DOCK4: variants seen among roughly 807,000 people sequenced by gnomAD.
DOCK4 encodes dedicator of cytokinesis 4.
DOCK4 carries 97 observed loss-of-function variants against 268.1 expected under a neutral mutation model. The observed-to-expected ratio is 0.36, with a 90% CI of 0.31 to 0.43. DOCK4 has a LOEUF of 0.43. DOCK4 is among the 20% of genes least tolerant of loss of function. DOCK4 has a pLI of 1.00. For missense variants in DOCK4, 2,145 were observed against 2,455.7 expected (o/e 0.87, Z 2.67); for synonymous variants, 954 against 887.2 (o/e 1.08, Z -1.34).
chr7:111,745,510 G>T (rs892312528), intron 44 of DOCK4, among the ~76,000 whole-genome samples: 1 of 151,424 alleles, frequency 6.6e-6, no homozygotes, highest in Non-Finnish European at 1.5e-5. Flanking sequence ...GTGAAACCCC[G>T]TCTCTACTAA....
chr7:112,018,064 C>T lies in DOCK4; in HGVS notation c.38-13933G>A, dbSNP rs190012430. ...ATTAGCCGGGCATGGTGGCGGGCACCTGTAGTCCCAGCTACTCAGGAGGCT... is the reference window on the plus strand; with the variant it reads ...ATTAGCCGGGCATGGTGGCGGGCACTTGTAGTCCCAGCTACTCAGGAGGCT... On this transcript the variant is annotated intron_variant, in intron 1 of 52. Transcript: ENST00000428084. 3.5e-3 allele frequency among the ~76,000 whole-genome samples: 497 copies of T among 141,660 alleles called. 3 individuals are homozygous for T. The highest frequency in any genetic ancestry group is 0.012 in the African/African-American group (481 of 38,598). The allele number at this position is 141,660 out of a possible 152,430, so 92.9% of individuals were successfully genotyped here.
At chr7:111,745,182 C>T (rs141311621) in intron 44 of DOCK4, among the ~76,000 whole-genome samples, 63 of 152,248 alleles carry the variant, frequency 4.1e-4, no homozygotes, top group African/African-American at 1.3e-3. Flanking sequence ...AAATAAACCA[C>T]GCTTCTCTGG....
intron 12 of DOCK4, among the ~76,000 whole-genome samples, chr7:111,928,356 C>A (rs1230128014): frequency 6.6e-6 from 1 of 152,108 alleles, no homozygotes; most frequent in Admixed American, 6.6e-5. Flanking sequence ...ATTAGCCATA[C>A]ATAGCTCATT....
intron 23 of DOCK4, among the ~76,000 whole-genome samples, chr7:111,861,662 T>C (rs1279291888): frequency 1.3e-5 from 2 of 149,856 alleles, no homozygotes; most frequent in Non-Finnish European, 3.0e-5. Flanking sequence ...GGGAGAATCA[T>C]CTGAACCCAG....
chr7:112,099,118 C>T (rs1247769433), intron 1 of DOCK4, among the ~76,000 whole-genome samples: 2 of 136,410 alleles, frequency 1.5e-5, no homozygotes, highest in African/African-American at 5.2e-5. Context: ...AGTGAAACCT[C>T]GTCTCTACAA....
At chr7:111,757,227 TTTATTA>T (rs1402008277) in intron 41 of DOCK4, among the ~76,000 whole-genome samples, 1 of 151,928 alleles carries the variant, frequency 6.6e-6, no homozygotes, top group Non-Finnish European at 1.5e-5. Context: ...AGGAGCCAGA[TTTATTA>T]TTATTATTTT....
intron 1 of DOCK4, among the ~76,000 whole-genome samples, chr7:112,055,972 T>C (rs986888704): frequency 2.0e-5 from 3 of 151,704 alleles, no homozygotes; most frequent in South Asian, 2.1e-4. Flanking sequence ...AGAATCTGTG[T>C]CCATAAGATA....
intron 1 of DOCK4, among the ~76,000 whole-genome samples, chr7:112,059,134 CTTTTTTTTTT>C (rs572050793): frequency 3.0e-5 from 3 of 98,978 alleles, no homozygotes; most frequent in Admixed American, 1.3e-4. Context: ...GCAGCATTTC[CTTTTTTTTTT>C]TTTTTTTTTT....
intron 1 of DOCK4, among the ~76,000 whole-genome samples, chr7:112,024,364 G>A (rs1366710619): frequency 1.3e-5 from 2 of 151,984 alleles, no homozygotes; most frequent in Non-Finnish European, 2.9e-5. Context: ...ATACCTCTAT[G>A]AAACCGAACT....
chr7:112,058,767 T>A lies in DOCK4; in HGVS notation c.38-54636A>T, dbSNP rs1320489218. 2.6e-5 allele frequency among the ~76,000 whole-genome samples: 4 copies of A among 151,962 alleles called. No homozygotes were observed. The East Asian group carries it at 7.7e-4, about 29-fold the overall frequency. On this transcript the variant is annotated intron_variant, in intron 1 of 52. Transcript: ENST00000428084. The stretch of plus-strand genomic sequence containing the variant: ...AGAAAAAGGAAAAAGAATCTGGGAG[T>A]GAGTTCTATGGGTACACAATGGCAA...
At chr7:112,085,481 G>A (rs1487170611) in intron 1 of DOCK4, among the ~76,000 whole-genome samples, 1 of 151,868 alleles carries the variant, frequency 6.6e-6, no homozygotes, top group Non-Finnish European at 1.5e-5. Context: ...CGGTTGCCAG[G>A]GTACAAATTT....
chr7:111,833,048 C>T lies in DOCK4; in HGVS notation c.2835+1540G>A, dbSNP rs183328946. Among the ~76,000 whole-genome samples, 549 of 152,260 alleles carry T rather than the reference C, an allele frequency of 3.6e-3. 5 individuals are homozygous for T. Among genetic ancestry groups the T allele is most frequent in the African/African-American group, 0.012 (495 of 41,550 alleles). On this transcript the variant is annotated intron_variant, in intron 26 of 52. Coordinates refer to ENST00000428084, the MANE Select transcript of DOCK4 (RefSeq NM_001363540.2). Reference sequence around the variant, plus strand: ...TTCCCAGGCTCCATAAAAATATGTACGCTTTTCCTATGGGAAATTTTCAAA... The same window carrying T: ...TTCCCAGGCTCCATAAAAATATGTATGCTTTTCCTATGGGAAATTTTCAAA...
intron 12 of DOCK4, among the ~76,000 whole-genome samples, chr7:111,918,372 C>A (rs566329649): frequency 6.6e-6 from 1 of 152,312 alleles, no homozygotes; most frequent in Non-Finnish European, 1.5e-5. Context: ...CCCATTCACT[C>A]TGAGTTAGGT....
chr7:112,140,444 G>A (rs1312786963), intron 1 of DOCK4, among the ~76,000 whole-genome samples: 2 of 151,946 alleles, frequency 1.3e-5, no homozygotes, highest in Non-Finnish European at 2.9e-5. Context: ...GTTGGGTTTT[G>A]GGGGTCATTC....
chr7:112,119,600 C>A (rs945528420), intron 1 of DOCK4, among the ~76,000 whole-genome samples: 1 of 152,144 alleles, frequency 6.6e-6, no homozygotes, highest in East Asian at 1.9e-4. Flanking sequence ...GGAGACACAG[C>A]CCTTTCATAA....
intron 51 of DOCK4, among the ~76,000 whole-genome samples, chr7:111,733,142 A>G (rs2133377772): frequency 6.6e-6 from 1 of 152,286 alleles, no homozygotes; most frequent in Middle Eastern, 3.4e-3. Context: ...TCGCTCTGTG[A>G]TTAGCTGCTA....
intron 51 of DOCK4, among the ~76,000 whole-genome samples, chr7:111,733,169 A>G (rs1795224699): frequency 6.6e-6 from 1 of 152,226 alleles, no homozygotes; most frequent in African/African-American, 2.4e-5. Context: ...CAGCTGTCAC[A>G]GTGAGGTTTG....
intron 5 of DOCK4, among the ~76,000 whole-genome samples, chr7:111,991,099 T>C (rs1031887430): frequency 2.6e-5 from 4 of 152,240 alleles, no homozygotes; most frequent in African/African-American, 4.8e-5. Context: ...CTGCCTGCTC[T>C]TGGGAAAGGC....
rs376976202 is a variant in DOCK4, at chr7:111,811,661, T to C, written c.3006+213A>G. Among the ~76,000 whole-genome samples, 7 of 152,148 alleles carry C rather than the reference T, an allele frequency of 4.6e-5. No individual in the cohort carries two copies. The East Asian group carries it at 7.7e-4, about 17-fold the overall frequency. On this transcript the variant is annotated intron_variant, in intron 28 of 52. Transcript: ENST00000428084. ...AGAAAAGAGCAAGAATTAAAATGTA[T>C]AGTAACAATAAAAAACTATCTCCTT...
Sources: allele counts gnomAD v4.1 joint callset (sites outside exome capture counted in the v4.1 genomes callset), GRCh38; gene constraint gnomAD v4.1.1; transcripts MANE v1.5; gene names NCBI Gene and HGNC (gene_info 2026-07-23, HGNC 2026-07-21).